SRRM4: variants seen among roughly 807,000 people sequenced by gnomAD.
The protein encoded by SRRM4 is serine/arginine repetitive matrix protein 4.
In SRRM4, 33 loss-of-function variants were observed where a neutral mutation model predicts 68.9. That is an observed-to-expected ratio of 0.48 (90% CI 0.36 to 0.64). The LOEUF (loss-of-function observed/expected upper bound fraction) is 0.64. Ranked by LOEUF, SRRM4 falls within the 30% of genes least tolerant of loss-of-function variation. SRRM4 has a pLI of 0.00. For missense variants in SRRM4, 817 were observed against 827.1 expected (o/e 0.99, Z 0.15); for synonymous variants, 318 against 318.8 (o/e 1.00, Z 0.03).
rs143892773 is a variant in SRRM4, at chr12:119,101,239, ACT to A, written c.132-993_132-992del. Among the ~76,000 whole-genome samples the A allele has an allele frequency of 3.6e-3, 553 of 152,208 alleles. 4 individuals are homozygous for A. The highest frequency in any genetic ancestry group is 0.012 in the African/African-American group (518 of 41,536). On this transcript the variant is annotated intron_variant, in intron 1 of 12. Coordinates refer to ENST00000267260, the MANE Select transcript of SRRM4 (RefSeq NM_194286.4). Reference sequence around the variant, plus strand: ...CTGCGTGTCACCAAATACGCCTGTGACTCTCAAACTCCTGACTCTTCCTAGTT... The same window carrying A: ...CTGCGTGTCACCAAATACGCCTGTGACTCAAACTCCTGACTCTTCCTAGTT...
intron 1 of SRRM4, among the ~76,000 whole-genome samples, chr12:119,097,449 T>A (rs117191442): frequency 3.9e-4 from 60 of 152,336 alleles, no homozygotes; most frequent in Non-Finnish European, 7.2e-4. Flanking sequence ...ATTCAATGAA[T>A]GTTCATTGAG....
chr12:119,108,436 T>C (rs1268796805), intron 2 of SRRM4, among the ~76,000 whole-genome samples: 1 of 152,152 alleles, frequency 6.6e-6, no homozygotes, highest in Non-Finnish European at 1.5e-5. Context: ...CCCATTATTA[T>C]TGTGTGGGAG....
intron 1 of SRRM4, chr12:119,069,804 T>G (rs1227089482): frequency 6.6e-6 from 1 of 152,242 alleles, no homozygotes; most frequent in Non-Finnish European, 1.5e-5. Context: ...TCACTTAAGC[T>G]ATGGCTCATG....
intron 1 of SRRM4, among the ~76,000 whole-genome samples, chr12:119,052,502 G>T (rs183942814): frequency 5.4e-4 from 81 of 150,384 alleles, no homozygotes; most frequent in Non-Finnish European, 6.9e-4. Flanking sequence ...CTGCTTTTTT[G>T]TTGTTGTTGT....
At chr12:119,128,315 C>T (rs1954273690) in intron 7 of SRRM4, among the ~76,000 whole-genome samples, 1 of 152,140 alleles carries the variant, frequency 6.6e-6, no homozygotes, top group Admixed American at 6.5e-5. Flanking sequence ...CGGCAGTCAG[C>T]CTTAGCCTCG....
chr12:119,116,996 A>G lies in SRRM4; in HGVS notation c.425A>G (p.His142Arg), dbSNP rs1474585808. ...KKKKKKSSKK[H>R]KRRRSFSKKR... is the part of the protein sequence containing the mutation. ...AAGAAGAAGAAAAGTTCCAAGAAACACAAGCGACGCAGGTATTGTCCTTTT... is the reference window on the plus strand; with the variant it reads ...AAGAAGAAGAAAAGTTCCAAGAAACGCAAGCGACGCAGGTATTGTCCTTTT... Residue 142 changes from histidine (H) to arginine (R), a missense_variant, in exon 4 of 13, where the codon CAC (histidine) becomes CGC (arginine). His to Arg is a conservative substitution (Grantham distance 29). Transcript: ENST00000267260. 1 of 1,613,812 alleles carries G rather than the reference A, an allele frequency of 6.2e-7. No homozygotes were observed. Among genetic ancestry groups the G allele is most frequent in the African/African-American group, 1.3e-5 (1 of 74,942 alleles).
At chr12:119,142,465 C>G (rs1241285679) in intron 8 of SRRM4, among the ~76,000 whole-genome samples, 1 of 152,206 alleles carries the variant, frequency 6.6e-6, no homozygotes, top group Non-Finnish European at 1.5e-5. Flanking sequence ...AGATCCACTT[C>G]TATATCCACT....
At chr12:119,143,763 C>T (rs1954382490) in intron 8 of SRRM4, among the ~76,000 whole-genome samples, 1 of 152,188 alleles carries the variant, frequency 6.6e-6, no homozygotes, top group South Asian at 2.1e-4. Context: ...CTACAGAGAC[C>T]TGGAAAGTGG....
At chr12:118,996,259 C>T (rs939508263) in intron 1 of SRRM4, among the ~76,000 whole-genome samples, 5 of 152,296 alleles carry the variant, frequency 3.3e-5, no homozygotes, top group Admixed American at 6.5e-5. Context: ...TCCAAAGAAT[C>T]ACAGGCATCT....
rs887377330 is a variant in SRRM4 at position 119,160,658 on chromosome 12, A to G, written c.*3860A>G. 1 of 152,234 alleles carries G rather than the reference A, an allele frequency of 6.6e-6. No individual in the cohort carries two copies. The highest frequency in any genetic ancestry group is 2.4e-5 in the African/African-American group (1 of 41,468). 9.4% of individuals were successfully genotyped at this position (152,234 alleles called of 1,614,324 possible). On this transcript the variant is annotated 3_prime_UTR_variant, in exon 13 of 13. Transcript: ENST00000267260. ...ATACATTGCTCCCTTTCCCTAGGGCAAAGTTCGACCTCTGTTAAGTGGAGG... is the reference window on the plus strand; with the variant it reads ...ATACATTGCTCCCTTTCCCTAGGGCGAAGTTCGACCTCTGTTAAGTGGAGG...
intron 7 of SRRM4, among the ~76,000 whole-genome samples, chr12:119,127,717 A>G (rs1954270232): frequency 7.3e-6 from 1 of 137,784 alleles, no homozygotes; most frequent in Admixed American, 7.7e-5. Flanking sequence ...GACAAAAGTG[A>G]AAGTCTGTCT....
intron 9 of SRRM4, among the ~76,000 whole-genome samples, chr12:119,148,908 CA>C (rs1192865804): frequency 6.6e-6 from 1 of 151,922 alleles, no homozygotes; most frequent in African/African-American, 2.4e-5. Flanking sequence ...AGCTCTAAAT[CA>C]AAGGAACCAT....
chr12:119,033,804 A>G (rs1397074360), intron 1 of SRRM4, among the ~76,000 whole-genome samples: 1 of 152,122 alleles, frequency 6.6e-6, no homozygotes, highest in African/African-American at 2.4e-5. Context: ...TGAATTTTCT[A>G]CTGAGTATAG....
chr12:119,057,794 T>A (rs1477474747), intron 1 of SRRM4, among the ~76,000 whole-genome samples: 2 of 152,244 alleles, frequency 1.3e-5, no homozygotes, highest in Non-Finnish European at 2.9e-5. Context: ...ATGGCTGAAC[T>A]AATTTACACT....
chr12:118,986,717 C>T (rs769801692), intron 1 of SRRM4, among the ~76,000 whole-genome samples: 2 of 152,074 alleles, frequency 1.3e-5, no homozygotes, highest in Non-Finnish European at 1.5e-5. Flanking sequence ...GGAGGTTGGA[C>T]TAAATGCCAC....
At chr12:119,072,185 A>G (rs941850339) in intron 1 of SRRM4, among the ~76,000 whole-genome samples, 3 of 152,232 alleles carry the variant, frequency 2.0e-5, no homozygotes, top group African/African-American at 7.2e-5. Flanking sequence ...ATGACTGTGA[A>G]TATTGGGTAT....
chr12:119,043,152 A>G (rs1329168671), intron 1 of SRRM4, among the ~76,000 whole-genome samples: 1 of 152,242 alleles, frequency 6.6e-6, no homozygotes, highest in Non-Finnish European at 1.5e-5. Flanking sequence ...ATGCCCATCA[A>G]TGATAGACTG....
At chr12:119,051,163 A>G (rs1343200911) in intron 1 of SRRM4, among the ~76,000 whole-genome samples, 3 of 152,024 alleles carry the variant, frequency 2.0e-5, no homozygotes, top group Admixed American at 6.5e-5. Flanking sequence ...CAGAGGACAG[A>G]CCCCCAGTAG....
intron 1 of SRRM4, among the ~76,000 whole-genome samples, chr12:119,096,883 G>A (rs1013051899): frequency 6.6e-6 from 1 of 152,218 alleles, no homozygotes; most frequent in African/African-American, 2.4e-5. Context: ...AGGGAGCCAG[G>A]CCTCTTGAGG....
Sources: gnomAD v4.1 joint callset for allele counts (sites outside exome capture counted in the v4.1 genomes callset) on GRCh38, gnomAD v4.1.1 for gene constraint, MANE v1.5 for transcripts, NCBI Gene and HGNC (gene_info 2026-07-23, HGNC 2026-07-21) for gene names.